DNM3: variants seen among roughly 807,000 people sequenced by gnomAD.
DNM3 encodes dynamin-3.
DNM3 carries 47 observed loss-of-function variants against 101.6 expected under a neutral mutation model. The observed-to-expected ratio is 0.46, with a 90% CI of 0.37 to 0.59. The LOEUF (loss-of-function observed/expected upper bound fraction) is 0.59, where lower values mean the gene tolerates loss of function less well. Among genes scored for constraint, DNM3 ranks in the 20% least tolerant of loss-of-function variants. The probability of loss-of-function intolerance (pLI) is 0.00; values close to 1 mark genes in which losing one functional copy is unlikely to be tolerated. For missense variants in DNM3, 849 were observed against 1,085.7 expected, an observed-to-expected ratio of 0.78 and a Z score of 3.06; for synonymous variants, 385 against 387.9, an observed-to-expected ratio of 0.99 and a Z score of 0.09.
chr1:172,166,165 A>T (rs1402630237), intron 14 of DNM3, among the ~76,000 whole-genome samples: 1 of 151,992 alleles, frequency 6.6e-6, no homozygotes, highest in Non-Finnish European at 1.5e-5. Flanking sequence ...GTCTTTTTTC[A>T]TTATATCCCC....
At chr1:172,032,337 C>A in intron 4 of DNM3, 65 bp from the exon 5 acceptor site, 1 of 1,121,942 alleles carries the variant, frequency 8.9e-7, no homozygotes, top group Non-Finnish European at 1.4e-6. Flanking sequence ...AGCATTGTGA[C>A]ATATATGTCT....
intron 14 of DNM3, among the ~76,000 whole-genome samples, chr1:172,226,680 A>C (rs1012851818): frequency 2.0e-5 from 3 of 152,310 alleles, no homozygotes. Context: ...GGAAATGCTT[A>C]GTACAATAAG....
chr1:172,084,671 A>G (rs1023008169), intron 12 of DNM3, among the ~76,000 whole-genome samples: 4 of 152,178 alleles, frequency 2.6e-5, no homozygotes. Context: ...TGTTTCCATC[A>G]AGGAAGAAAA....
intron 15 of DNM3, among the ~76,000 whole-genome samples, chr1:172,304,528 A>AAGACCTAAT (rs2064680961): frequency 6.6e-6 from 1 of 152,078 alleles, no homozygotes; most frequent in Non-Finnish European, 1.5e-5. Context: ...CTGCACCAAG[A>AAGACCTAAT]AGACCTAATA....
In DNM3 at chr1:172,338,898, AGTTT is replaced by A. The variant is rs1276691130; in HGVS notation, c.1893+15565_1893+15568del. On this transcript the variant is annotated intron_variant, in intron 17 of 20. Transcript: ENST00000627582. ...AACTTGACACACGTAAATAGTAGAAAGTTTGTTTGTGCAGGTGTATAGTTTTAGT... is the reference window on the plus strand; with the variant it reads ...AACTTGACACACGTAAATAGTAGAAAGTTTGTGCAGGTGTATAGTTTTAGT... The A allele has an allele frequency of 1.1e-5, 5 of 435,428 alleles. No homozygotes were observed. In the East Asian group the frequency reaches 2.7e-4, roughly 23 times the overall value. The allele number at this position is 435,428 out of a possible 1,614,324, so 27.0% of individuals were successfully genotyped here. A position where few individuals can be genotyped will look rare whatever the true frequency, so the allele number is the denominator to read the frequency against.
chr1:172,165,774 TA>T (rs2058721630), intron 14 of DNM3, among the ~76,000 whole-genome samples: 1 of 152,138 alleles, frequency 6.6e-6, no homozygotes, highest in Non-Finnish European at 1.5e-5. Flanking sequence ...ATATTATTTT[TA>T]ATATTCATGT....
At chr1:171,987,602 T>C in intron 2 of DNM3, 54 bp from the exon 3 acceptor site, 1 of 1,490,554 alleles carries the variant, frequency 6.7e-7, no homozygotes, top group Non-Finnish European at 8.9e-7. Flanking sequence ...ACTTTTATAA[T>C]TATGGCAAAA....
chr1:172,398,901 T>A (rs1015800941), intron 20 of DNM3, among the ~76,000 whole-genome samples: 76 of 152,310 alleles, frequency 5.0e-4, no homozygotes, highest in African/African-American at 1.6e-3. Flanking sequence ...AAAACAAAAG[T>A]TTGACTTCTT....
chr1:172,309,954 C>T (rs1444544460), intron 16 of DNM3: 1 of 152,168 alleles, frequency 6.6e-6, no homozygotes. Flanking sequence ...TCATCCTATA[C>T]CTGTCTGACA....
intron 2 of DNM3, among the ~76,000 whole-genome samples, chr1:171,961,813 T>C (rs1006472686): frequency 9.2e-5 from 14 of 152,186 alleles, no homozygotes; most frequent in African/African-American, 3.4e-4. Context: ...AGGATGAACT[T>C]GAAAACATTA....
intron 1 of DNM3, among the ~76,000 whole-genome samples, chr1:171,862,495 A>G (rs2034281237): frequency 6.6e-6 from 1 of 152,204 alleles, no homozygotes; most frequent in South Asian, 2.1e-4. Flanking sequence ...TCAACGCAAA[A>G]GGCCAATAGT....
chr1:172,156,790 A>G (rs922736086), intron 14 of DNM3, among the ~76,000 whole-genome samples: 5 of 152,096 alleles, frequency 3.3e-5, no homozygotes, highest in African/African-American at 1.2e-4. Flanking sequence ...TTTAGGACAT[A>G]TAAAGCATTA....
intron 4 of DNM3, among the ~76,000 whole-genome samples, chr1:172,029,491 G>A (rs1288224632): frequency 2.6e-5 from 4 of 152,170 alleles, no homozygotes; most frequent in Non-Finnish European, 5.9e-5. Flanking sequence ...TTTGAAAACC[G>A]GTACAAAACA....
rs572595814 is a variant in DNM3, at chr1:172,093,579, T to A, written c.1545+704T>A. The stretch of plus-strand genomic sequence containing the variant: ...TTCAGAGGTACAATTATTGAACAAA[T>A]TGAAACCTCTGCTCTAGATTTTTTT... On this transcript the variant is annotated intron_variant, in intron 13 of 20. Transcript: ENST00000627582. 49 of 800,164 alleles carry A rather than the reference T, an allele frequency of 6.1e-5. No individual in the cohort carries two copies. In the African/African-American group the frequency reaches 7.3e-4, roughly 12 times the overall value. 49.6% of individuals were successfully genotyped at this position (800,164 alleles called of 1,614,324 possible).
chr1:172,124,993 A>T (rs1052467427), intron 13 of DNM3, among the ~76,000 whole-genome samples: 5 of 152,162 alleles, frequency 3.3e-5, no homozygotes, highest in African/African-American at 1.2e-4. Flanking sequence ...TGTGCTCGCA[A>T]AGGTAGATCT....
At chr1:171,948,006 T>C (rs1002308711) in intron 2 of DNM3, among the ~76,000 whole-genome samples, 1 of 152,232 alleles carries the variant, frequency 6.6e-6, no homozygotes, top group African/African-American at 2.4e-5. Context: ...TTTTTCAAGC[T>C]CTTAAAATTA....
intron 14 of DNM3, among the ~76,000 whole-genome samples, chr1:172,196,502 G>C (rs1200376104): frequency 6.6e-6 from 1 of 151,974 alleles, no homozygotes; most frequent in Non-Finnish European, 1.5e-5. Flanking sequence ...CACAATGATT[G>C]AACTAATTTA....
intron 4 of DNM3, among the ~76,000 whole-genome samples, chr1:172,019,034 T>G (rs2047648467): frequency 8.4e-6 from 1 of 119,668 alleles, no homozygotes. Flanking sequence ...CCTCCCTTCC[T>G]CCCTCCCTTC....
intron 2 of DNM3, among the ~76,000 whole-genome samples, chr1:171,924,951 G>T (rs2040445532): frequency 6.6e-6 from 1 of 150,806 alleles, no homozygotes; most frequent in African/African-American, 2.4e-5. Flanking sequence ...CTAGGCTGGA[G>T]TGCAGTGGCG....
Sources: allele counts gnomAD v4.1 joint callset (sites outside exome capture counted in the v4.1 genomes callset), GRCh38; gene constraint gnomAD v4.1.1; transcripts MANE v1.5; gene names NCBI Gene and HGNC (gene_info 2026-07-23, HGNC 2026-07-21).